MAP3K20: variants seen among roughly 807,000 people sequenced by gnomAD.
MAP3K20 encodes the protein mitogen-activated protein kinase kinase kinase 20.
Under a neutral mutation model 85.7 loss-of-function variants are expected in MAP3K20, and 40 were observed. That is an observed-to-expected ratio of 0.47 (90% confidence interval 0.36 to 0.61). MAP3K20 has a LOEUF of 0.61. MAP3K20 is among the 20% of genes least tolerant of loss of function. MAP3K20 has a pLI of 0.00. For missense variants in MAP3K20, 817 were observed against 961.7 expected (o/e 0.85, Z 1.99); for synonymous variants, 325 against 327.7 (o/e 0.99, Z 0.09).
chr2:173,156,123 C>T (rs1689460217), intron 2 of MAP3K20, among the ~76,000 whole-genome samples: 1 of 152,218 alleles, frequency 6.6e-6, no homozygotes, highest in Admixed American at 6.5e-5. Flanking sequence ...GGGACCACCA[C>T]ACAACCTCGA....
intron 2 of MAP3K20, among the ~76,000 whole-genome samples, chr2:173,125,822 C>G (rs1688426750): frequency 6.6e-6 from 1 of 152,058 alleles, no homozygotes; most frequent in African/African-American, 2.4e-5. Context: ...GCCACCACGC[C>G]CGGCTAATTT....
intron 16 of MAP3K20, among the ~76,000 whole-genome samples, chr2:173,244,179 A>G (rs1360575138): frequency 6.6e-6 from 1 of 152,160 alleles, no homozygotes; most frequent in African/African-American, 2.4e-5. Flanking sequence ...AGTGTGGGCA[A>G]CTAGAGAGAT....
At chr2:173,165,204 T>G (rs1251763450) in intron 2 of MAP3K20, among the ~76,000 whole-genome samples, 3 of 151,584 alleles carry the variant, frequency 2.0e-5, no homozygotes, top group African/African-American at 7.3e-5. Context: ...AGATCAGGAG[T>G]TCGAGACCAG....
intron 11 of MAP3K20, chr2:173,226,104 T>C: frequency 2.0e-6 from 2 of 984,714 alleles, no homozygotes; most frequent in Non-Finnish European, 2.4e-6. Flanking sequence ...TAACCAGTGA[T>C]TTTTAACGTG....
chr2:173,076,785 C>A (rs1686875641), intron 1 of MAP3K20, among the ~76,000 whole-genome samples: 1 of 152,224 alleles, frequency 6.6e-6, no homozygotes. Flanking sequence ...CCTCAGGCAG[C>A]GGCTTTTTGT....
chr2:173,181,693 G>A (rs1391606986), intron 3 of MAP3K20, among the ~76,000 whole-genome samples: 3 of 152,116 alleles, frequency 2.0e-5, no homozygotes, highest in African/African-American at 7.2e-5. Flanking sequence ...CAACAGAATA[G>A]TATTCGGCAA....
At chr2:173,093,410 A>T (rs574186753) in intron 2 of MAP3K20, among the ~76,000 whole-genome samples, 1 of 152,332 alleles carries the variant, frequency 6.6e-6, no homozygotes, top group South Asian at 2.1e-4. Flanking sequence ...TATGTTCTAT[A>T]AACTTAGCAA....
chr2:173,224,056 G>A (rs1226354694), intron 11 of MAP3K20: 1 of 952,176 alleles, frequency 1.1e-6, no homozygotes, highest in Non-Finnish European at 1.3e-6. Context: ...TGCACTCACA[G>A]AGCTTACATG....
chr2:173,219,985 T>G (rs867060711), intron 11 of MAP3K20, among the ~76,000 whole-genome samples: 4 of 148,072 alleles, frequency 2.7e-5, no homozygotes, highest in African/African-American at 1.0e-4. Flanking sequence ...GGAGAATCGC[T>G]TGAACCTGGA....
intron 9 of MAP3K20, 61 bp downstream of exon 9, chr2:173,203,931 GT>G (rs1393349076): frequency 8.7e-6 from 13 of 1,500,714 alleles, no homozygotes; most frequent in Non-Finnish European, 1.2e-5. Context: ...TTGGCTTTCA[GT>G]TTTTAAAACT....
At chr2:173,230,024 G>A (rs185615380) in intron 12 of MAP3K20, among the ~76,000 whole-genome samples, 16 of 152,228 alleles carry the variant, frequency 1.1e-4, no homozygotes, top group African/African-American at 1.2e-4. Context: ...TAGAGATGGC[G>A]TTTCACCATG....
intron 11 of MAP3K20, chr2:173,221,067 A>T: frequency 2.4e-6 from 3 of 1,247,352 alleles, no homozygotes; most frequent in East Asian, 2.5e-5. Context: ...TGTAGTGCCA[A>T]CTAATTTTGT....
At chr2:173,159,370 C>T (rs115183687) in intron 2 of MAP3K20, among the ~76,000 whole-genome samples, 4 of 73,498 alleles carry the variant, frequency 5.4e-5, no homozygotes, top group African/African-American at 1.3e-4. Context: ...TCCTTTCCTT[C>T]CTTTCCTTTT....
chr2:173,250,028 C>A (rs913878019), intron 16 of MAP3K20, among the ~76,000 whole-genome samples: 1 of 152,184 alleles, frequency 6.6e-6, no homozygotes, highest in African/African-American at 2.4e-5. Flanking sequence ...ACCTTAGACA[C>A]AAGCCATTGT....
intron 14 of MAP3K20, among the ~76,000 whole-genome samples, chr2:173,234,128 G>A (rs1283769435): frequency 6.6e-6 from 1 of 152,122 alleles, no homozygotes; most frequent in Non-Finnish European, 1.5e-5. Context: ...TTTGGCAGAT[G>A]CCAAATAAGA....
At chr2:173,124,643 C>A (rs1254140021) in intron 2 of MAP3K20, among the ~76,000 whole-genome samples, 2 of 152,166 alleles carry the variant, frequency 1.3e-5, no homozygotes, top group African/African-American at 4.8e-5. Context: ...TGTGACATGC[C>A]AGAACTTGTT....
At chr2:173,163,642 A>G (rs948646188) in intron 2 of MAP3K20, among the ~76,000 whole-genome samples, 85 of 152,026 alleles carry the variant, frequency 5.6e-4, no homozygotes, top group African/African-American at 1.9e-3. Flanking sequence ...CATTTTCTTT[A>G]TCCAGTCTAC....
rs1362888760 is a variant in MAP3K20, at chr2:173,229,738, G to A, written c.1032+5G>A. The A allele has an allele frequency of 1.9e-6, 3 of 1,613,984 alleles. No individual in the cohort carries two copies. Among genetic ancestry groups the A allele is most frequent in the African/African-American group, 1.3e-5 (1 of 74,906 alleles). Reference sequence around the variant, plus strand: ...GCATGGACGGAAGACGATGTGGTAAGCTCTTTGTATTCATGCCTTATTTGA... The same window carrying A: ...GCATGGACGGAAGACGATGTGGTAAACTCTTTGTATTCATGCCTTATTTGA... On this transcript the variant is annotated splice_donor_5th_base_variant and intron_variant, in intron 12 of 19. Coordinates refer to ENST00000375213, the MANE Select transcript of MAP3K20 (RefSeq NM_016653.3).
rs1488821657 is a variant in MAP3K20 at position 173,198,220 on chromosome 2, A to T, written c.669+108A>T. The T allele has an allele frequency of 2.0e-6, 2 of 1,010,390 alleles. No individual in the cohort carries two copies. Among genetic ancestry groups the T allele is most frequent in the Admixed American group, 4.3e-5 (2 of 46,078 alleles). The allele number at this position is 1,010,390 out of a possible 1,614,324, so 62.6% of individuals were successfully genotyped here. On this transcript the variant is annotated intron_variant, in intron 8 of 19. Coordinates refer to ENST00000375213, the MANE Select transcript of MAP3K20 (RefSeq NM_016653.3). The surrounding 1 kb of genome is among the most constrained non-coding windows in gnomAD (Gnocchi z 5.8). Reference sequence around the variant, plus strand: ...ATTGAAAGTAAGTTCACGCTTATGGAAAGATTAGCAGTAGGAGCTAACACA... The same window carrying T: ...ATTGAAAGTAAGTTCACGCTTATGGTAAGATTAGCAGTAGGAGCTAACACA...
Sources: allele counts gnomAD v4.1 joint callset (sites outside exome capture counted in the v4.1 genomes callset), GRCh38; gene constraint gnomAD v4.1.1; non-coding constraint Gnocchi (gnomAD v3.1); transcripts MANE v1.5; gene names NCBI Gene and HGNC (gene_info 2026-07-23, HGNC 2026-07-21).